The following MICU1 variants were observed in gnomAD, a reference collection of about 807,000 sequenced individuals.
MICU1 encodes calcium uptake protein 1, mitochondrial.
A neutral mutation model predicts 56.8 loss-of-function variants in MICU1; 45 were observed. The observed-to-expected ratio is 0.79, with a 90% confidence interval of 0.62 to 1.02. The LOEUF (loss-of-function observed/expected upper bound fraction) is 1.02. MICU1 is among the 50% of genes least tolerant of loss of function. MICU1 has a pLI of 0.00. For missense variants in MICU1, 504 were observed against 587.1 expected, an observed-to-expected ratio of 0.86 and a Z score of 1.46; for synonymous variants, 186 against 195.1, an observed-to-expected ratio of 0.95 and a Z score of 0.39.
intron 1 of MICU1, among the ~76,000 whole-genome samples, chr10:72,588,869 G>A (rs1444014811): frequency 6.6e-6 from 1 of 152,182 alleles, no homozygotes; most frequent in Non-Finnish European, 1.5e-5. Context: ...TCCAGGTTGA[G>A]CCAATGCCTT....
intron 8 of MICU1, among the ~76,000 whole-genome samples, chr10:72,474,429 T>C (rs957490668): frequency 6.6e-6 from 1 of 152,100 alleles, no homozygotes; most frequent in Admixed American, 6.6e-5. Context: ...ACAGAATAAA[T>C]AGCTAGAATA....
chr10:72,430,516 C>T (rs1864491413), intron 8 of MICU1, among the ~76,000 whole-genome samples: 1 of 152,112 alleles, frequency 6.6e-6, no homozygotes. Context: ...GAAGCATCGG[C>T]ACTCCATTTG....
chr10:72,611,311 A>AAAAAG (rs972972319), intron 1 of MICU1, among the ~76,000 whole-genome samples: 3 of 145,250 alleles, frequency 2.1e-5, no homozygotes, highest in African/African-American at 7.7e-5. Context: ...TAAAAAAAAA[A>AAAAAG]AAAGAAAGAA....
At chr10:72,508,487 G>A in intron 5 of MICU1, 1 of 339,552 alleles carries the variant, frequency 2.9e-6, no homozygotes, top group Non-Finnish European at 5.3e-6. Context: ...AGTTCAATAT[G>A]AACATTAGAA....
chr10:72,525,481 C>T (rs1463117636), intron 5 of MICU1, among the ~76,000 whole-genome samples: 1 of 152,164 alleles, frequency 6.6e-6, no homozygotes, highest in Admixed American at 6.5e-5. Context: ...CACAGGACAA[C>T]TGAGACATGT....
chr10:72,375,898 C>T lies in MICU1; in HGVS notation c.1181-26G>A, dbSNP rs759878113. On this transcript the variant is annotated intron_variant, in intron 10 of 11. Coordinates refer to ENST00000361114, the MANE Select transcript of MICU1 (RefSeq NM_001195518.2). ...CTGAAAAAAGAAAGAGGTGCATTAG[C>T]ACAGCAGAGGGATTTTCATTTTGCT... 4.1e-5 allele frequency: 65 copies of T among 1,590,000 alleles called. No individual in the cohort carries two copies. The East Asian group carries it at 1.2e-3, about 29-fold the overall frequency.
intron 1 of MICU1, among the ~76,000 whole-genome samples, chr10:72,593,522 C>CAA (rs56135700): frequency 3.0e-5 from 4 of 131,604 alleles, no homozygotes; most frequent in African/African-American, 8.3e-5. Context: ...ACTCTGTCTC[C>CAA]AAAAAAAAAA....
intron 5 of MICU1, among the ~76,000 whole-genome samples, chr10:72,512,595 A>C (rs1054749858): frequency 3.3e-5 from 5 of 152,114 alleles, no homozygotes; most frequent in Non-Finnish European, 7.3e-5. Flanking sequence ...TTCATGTATG[A>C]GTATCTGTTT....
At chr10:72,442,299 T>A (rs1864961589) in intron 8 of MICU1, among the ~76,000 whole-genome samples, 1 of 151,898 alleles carries the variant, frequency 6.6e-6, no homozygotes, top group Non-Finnish European at 1.5e-5. Flanking sequence ...CACACCACCA[T>A]GCCTGGCTAA....
chr10:72,569,717 T>A (rs60815042), intron 1 of MICU1, among the ~76,000 whole-genome samples: 4,174 of 152,174 alleles, frequency 0.027, 180 homozygotes, highest in African/African-American at 0.094. Flanking sequence ...CATAGGATCA[T>A]TTCGGGCACC....
intron 9 of MICU1, among the ~76,000 whole-genome samples, chr10:72,410,775 C>T (rs1863783401): frequency 6.6e-6 from 1 of 152,052 alleles, no homozygotes; most frequent in Non-Finnish European, 1.5e-5. Context: ...CTTAGAGCAC[C>T]CAGAGTTAGG....
At chr10:72,417,453 C>CAAA (rs869171199) in intron 9 of MICU1, among the ~76,000 whole-genome samples, 8 of 66,450 alleles carry the variant, frequency 1.2e-4, no homozygotes, top group African/African-American at 3.5e-4. Flanking sequence ...GACTCCGTCT[C>CAAA]AAAAAAAAAA....
chr10:72,570,301 G>A (rs1224840138), intron 1 of MICU1, among the ~76,000 whole-genome samples: 5 of 151,876 alleles, frequency 3.3e-5, no homozygotes, highest in African/African-American at 7.2e-5. Flanking sequence ...TATGGCATAC[G>A]TAATTTTTTC....
chr10:72,483,345 C>G (rs1479005821), intron 6 of MICU1: 1 of 163,304 alleles, frequency 6.1e-6, no homozygotes, highest in Non-Finnish European at 1.3e-5. Flanking sequence ...TGGCTGGCTC[C>G]TGGTTGTCCA....
chr10:72,513,588 T>A (rs188378795), intron 5 of MICU1, among the ~76,000 whole-genome samples: 51 of 152,324 alleles, frequency 3.3e-4, no homozygotes, highest in African/African-American at 9.4e-4. Context: ...TTATTATTTG[T>A]GCTTTTGATG....
At chr10:72,507,086 T>C (rs1303043010) in intron 6 of MICU1, among the ~76,000 whole-genome samples, 4 of 151,966 alleles carry the variant, frequency 2.6e-5, no homozygotes, top group African/African-American at 9.7e-5. Context: ...TATCTTCTAG[T>C]AGCTTTATGT....
intron 6 of MICU1, among the ~76,000 whole-genome samples, chr10:72,503,863 TAGACAC>T (rs1318815097): frequency 3.6e-5 from 4 of 110,810 alleles, no homozygotes; most frequent in African/African-American, 1.5e-4. Flanking sequence ...CCATTTACAA[TAGACAC>T]ACACACACAC....
intron 8 of MICU1, among the ~76,000 whole-genome samples, chr10:72,448,153 G>GTC (rs1243933589): frequency 4.1e-4 from 38 of 93,304 alleles, no homozygotes; most frequent in African/African-American, 1.1e-3. Flanking sequence ...GTGTGTGTCT[G>GTC]TGTGTGTGTA....
chr10:72,485,206 C>T (rs1866427199), intron 6 of MICU1, among the ~76,000 whole-genome samples: 1 of 150,776 alleles, frequency 6.6e-6, no homozygotes, highest in African/African-American at 2.5e-5. Context: ...TCAATAAAAT[C>T]AATAAAAGTC....
Sources: gnomAD v4.1 joint callset for allele counts (sites outside exome capture counted in the v4.1 genomes callset) on GRCh38, gnomAD v4.1.1 for gene constraint, MANE v1.5 for transcripts, NCBI Gene and HGNC (gene_info 2026-07-23, HGNC 2026-07-21) for gene names.